FKTN: variants seen among roughly 807,000 people sequenced by gnomAD.
The protein encoded by FKTN is fukutin, also known as ribitol-5-phosphate transferase FKTN.
Under a neutral mutation model 58.6 loss-of-function variants are expected in FKTN, and 47 were observed. That is an observed-to-expected ratio of 0.80 (90% CI 0.63 to 1.02). The LOEUF is 1.02. Among genes scored for constraint, FKTN ranks in the 50% least tolerant of loss-of-function variants. FKTN has a pLI of 0.00. For missense variants in FKTN, 516 were observed against 537.3 expected (o/e 0.96, Z 0.39); for synonymous variants, 178 against 191.9 (o/e 0.93, Z 0.60).
intron 9 of FKTN, 102 bp from the exon 10 acceptor site, chr9:105,619,832 A>T: frequency 1.7e-6 from 2 of 1,144,450 alleles, no homozygotes; most frequent in Non-Finnish European, 2.5e-6. Flanking sequence ...CTATGTATGT[A>T]AAACTTAAGA....
intron 1 of FKTN, among the ~76,000 whole-genome samples, chr9:105,566,947 A>G (rs557151494): frequency 1.1e-4 from 16 of 152,356 alleles, no homozygotes; most frequent in African/African-American, 3.1e-4. Context: ...CTTATCCACC[A>G]TGATCAAGTG....
chr9:105,584,305 A>G (rs1564244390), intron 3 of FKTN, among the ~76,000 whole-genome samples: 1 of 152,172 alleles, frequency 6.6e-6, no homozygotes, highest in Non-Finnish European at 1.5e-5. Flanking sequence ...TATTGTGTCC[A>G]TACCATACAA....
At chr9:105,603,689 T>C (rs1828313568) in intron 5 of FKTN, 1 of 153,208 alleles carries the variant, frequency 6.5e-6, no homozygotes, top group South Asian at 2.0e-4. Context: ...GTTTTTTTTT[T>C]TTGAGACAGG....
In FKTN at chr9:105,635,878, G is replaced by C. The variant is rs1312990363; in HGVS notation, c.*614G>C. 2.0e-6 allele frequency: 2 copies of C among 991,144 alleles called. No individual in the cohort carries two copies. Among genetic ancestry groups the C allele is most frequent in the African/African-American group, 1.7e-5 (1 of 57,254 alleles). 61.4% of individuals were successfully genotyped at this position (991,144 alleles called of 1,614,324 possible). A position where few individuals can be genotyped will look rare whatever the true frequency, so the allele number is the denominator to read the frequency against. ...GGAAGGTGAGAGCTTATTTGTATCA[G>C]AGCTTATTACTTGTCAGGATAAGTA... On this transcript the variant is annotated 3_prime_UTR_variant, in exon 11 of 11. Coordinates refer to ENST00000357998, the MANE Select transcript of FKTN (RefSeq NM_001079802.2).
chr9:105,562,637 G>A (rs1405900787), intron 1 of FKTN, among the ~76,000 whole-genome samples: 1 of 152,172 alleles, frequency 6.6e-6, no homozygotes, highest in East Asian at 1.9e-4. Flanking sequence ...AGGCAGTTTA[G>A]TTTTGGAAAA....
At chr9:105,614,211 T>C (rs938884986) in intron 7 of FKTN, among the ~76,000 whole-genome samples, 6 of 152,112 alleles carry the variant, frequency 3.9e-5, no homozygotes, top group African/African-American at 1.4e-4. Flanking sequence ...TCCAGAACAC[T>C]CTAAAAACGA....
rs191277636 is a variant in FKTN at position 105,568,740 on chromosome 9, T to A, written c.-180-4915T>A. Among the ~76,000 whole-genome samples, 1,360 of 152,156 alleles carry A rather than the reference T, an allele frequency of 8.9e-3. 21 individuals carry two copies. Among genetic ancestry groups the A allele is most frequent in the African/African-American group, 0.03 (1,250 of 41,438 alleles). ...GTGGAAGACAGTGTGGCGATTCCTC[T>A]GGGATCTAGAACTAGAAATACCATT... On this transcript the variant is annotated intron_variant, in intron 1 of 10. Coordinates refer to ENST00000357998, the MANE Select transcript of FKTN (RefSeq NM_001079802.2).
chr9:105,565,239 A>G (rs78832191), intron 1 of FKTN, among the ~76,000 whole-genome samples: 1 of 152,216 alleles, frequency 6.6e-6, no homozygotes, highest in Non-Finnish European at 1.5e-5. Context: ...AACTGCATCA[A>G]CTAACGAGGA....
At chr9:105,584,310 A>G (rs1843534380) in intron 3 of FKTN, among the ~76,000 whole-genome samples, 1 of 152,152 alleles carries the variant, frequency 6.6e-6, no homozygotes, top group Admixed American at 6.5e-5. Context: ...TGTCCATACC[A>G]TACAAACTGC....
Position 105,636,717 on chromosome 9 carries a change from A to G in FKTN, c.*1453A>G, listed in dbSNP as rs996760151. The G allele has an allele frequency of 1.6e-5, 21 of 1,298,466 alleles. No individual in the cohort carries two copies. Among genetic ancestry groups the G allele is most frequent in the Middle Eastern group, 4.3e-4 (2 of 4,696 alleles). 80.4% of individuals were successfully genotyped at this position (1,298,466 alleles called of 1,614,324 possible). On this transcript the variant is annotated 3_prime_UTR_variant, in exon 11 of 11. Transcript: ENST00000357998. ...TATCTTATCTATGCTATTTAGGACTACTTTCTGGAGCTTGGCAGATTTTCC... is the reference window on the plus strand; with the variant it reads ...TATCTTATCTATGCTATTTAGGACTGCTTTCTGGAGCTTGGCAGATTTTCC...
At position 105,626,764 on chromosome 9, in the gene FKTN, A is replaced by T. The variant is rs117712998; in HGVS notation, c.1172+6703A>T. Among the ~76,000 whole-genome samples the T allele has an allele frequency of 2.0e-3, 309 of 152,182 alleles. 1 individual carries two copies. Among genetic ancestry groups the T allele is most frequent in the Non-Finnish European group, 3.1e-3 (214 of 68,002 alleles). ...AACGCTTGGCATTGTCAGACTTCTT[A>T]ATTTGTAACCATTTTGGTAGGTGTG... On this transcript the variant is annotated intron_variant, in intron 10 of 10. Transcript: ENST00000357998.
At chr9:105,578,526 G>T (rs1214191585) in intron 3 of FKTN, among the ~76,000 whole-genome samples, 1 of 145,396 alleles carries the variant, frequency 6.9e-6, no homozygotes, top group East Asian at 2.0e-4. Flanking sequence ...AAGCCCACTT[G>T]ATCATGGTGG....
intron 3 of FKTN, among the ~76,000 whole-genome samples, chr9:105,585,399 A>G (rs186090038): frequency 2.6e-5 from 4 of 152,330 alleles, no homozygotes; most frequent in East Asian, 3.9e-4. Flanking sequence ...AGGATGGACA[A>G]GAGAGGGAGA....
intron 3 of FKTN, among the ~76,000 whole-genome samples, chr9:105,581,836 C>G (rs562883265): frequency 6.6e-6 from 1 of 152,190 alleles, no homozygotes; most frequent in Non-Finnish European, 1.5e-5. Context: ...GGGCGTAGGA[C>G]CCTCCGAGCC....
rs559611676 is a variant in FKTN at position 105,602,649 on chromosome 9, A to G, written c.369+1301A>G. Among the ~76,000 whole-genome samples the G allele has an allele frequency of 1.1e-4, 17 of 152,262 alleles. No homozygotes were observed. The South Asian group carries it at 3.3e-3, about 30-fold the overall frequency. On this transcript the variant is annotated intron_variant, in intron 5 of 10. Coordinates refer to ENST00000357998, the MANE Select transcript of FKTN (RefSeq NM_001079802.2). ...CTGTTCACTGCAATCTCCGCCTCCC[A>G]GGCTCAAGGGATTCTCCTGCCTCAG...
chr9:105,637,253 C>A lies in FKTN; in HGVS notation c.*1989C>A. 3 of 985,370 alleles carry A rather than the reference C, an allele frequency of 3.0e-6. No individual in the cohort carries two copies. Among genetic ancestry groups the A allele is most frequent in the Non-Finnish European group, 3.6e-6 (3 of 829,780 alleles). The allele number at this position is 985,370 out of a possible 1,614,324, so 61.0% of individuals were successfully genotyped here. A position where few individuals can be genotyped will look rare whatever the true frequency, so the allele number is the denominator to read the frequency against. On this transcript the variant is annotated 3_prime_UTR_variant, in exon 11 of 11. Coordinates refer to ENST00000357998, the MANE Select transcript of FKTN (RefSeq NM_001079802.2). ...TTCCAATTGGGACTCCCATTCTTTG[C>A]CAGGAGATCTTACCCATCCCTTTTC...
In FKTN at chr9:105,576,337, T is replaced by A. The variant is rs190560869; in HGVS notation, c.105+1200T>A. On this transcript the variant is annotated intron_variant, in intron 3 of 10. Transcript: ENST00000357998. The stretch of plus-strand genomic sequence containing the variant: ...CCCCACTCCCACCACCCCACAACAG[T>A]CCCCAGAGTGTGATATTCCCCTTCC... Among the ~76,000 whole-genome samples the A allele has an allele frequency of 7.9e-3, 1,196 of 151,870 alleles. 16 individuals are homozygous for A. The highest frequency in any genetic ancestry group is 0.028 in the African/African-American group (1,140 of 41,300).
At chr9:105,591,668 T>C (rs1844897983) in intron 3 of FKTN, among the ~76,000 whole-genome samples, 1 of 152,082 alleles carries the variant, frequency 6.6e-6, no homozygotes, top group Non-Finnish European at 1.5e-5. Flanking sequence ...GATCTACCAC[T>C]TTGGGGTCTG....
intron 1 of FKTN, among the ~76,000 whole-genome samples, chr9:105,569,488 A>G (rs1196448897): frequency 1.3e-5 from 2 of 152,184 alleles, no homozygotes; most frequent in Non-Finnish European, 2.9e-5. Context: ...ATGAAAGGAA[A>G]CATAAAAGAA....
Sources: allele counts gnomAD v4.1 joint callset (sites outside exome capture counted in the v4.1 genomes callset), GRCh38; gene constraint gnomAD v4.1.1; transcripts MANE v1.5; gene names NCBI Gene and HGNC (gene_info 2026-07-23, HGNC 2026-07-21).